SPRY3: variants seen among roughly 807,000 people sequenced by gnomAD.
SPRY3 encodes the protein protein sprouty homolog 3.
In SPRY3, 15 loss-of-function variants were observed where a neutral mutation model predicts 20.2. The observed-to-expected ratio is 0.74, with a 90% CI of 0.50 to 1.14. The LOEUF is 1.14. Among genes scored for constraint, SPRY3 ranks in the 50% most tolerant of loss-of-function variants. SPRY3 has a pLI of 0.00. For synonymous variants in SPRY3, 143 were observed against 136.5 expected (o/e 1.05, Z -0.33); for missense variants, 364 against 363.9 (o/e 1.00, Z 0.00).
intron 2 of SPRY3, among the ~76,000 whole-genome samples, chrX:155,675,569 G>T (rs2068056652): frequency 9.0e-6 from 1 of 111,386 alleles, no homozygotes; most frequent in African/African-American, 3.3e-5. Context: ...TTCCCCAGCT[G>T]GAATATTTTC....
rs1226451586 is a variant in SPRY3 at position 155,632,793 on chromosome X, A to T, written c.-441+20146A>T. 8.0e-5 allele frequency among the ~76,000 whole-genome samples: 9 copies of T among 111,992 alleles called. 1 individual carries two copies. The Admixed American group carries it at 8.5e-4, about 11-fold the overall frequency. ...CTTGATAGGAGGTTATTCGCCACAG[A>T]GCAAAGGAGCATGGATACAGGGAGG... is the stretch of plus-strand genomic sequence containing the variant. On this transcript the variant is annotated intron_variant, in intron 1 of 3. Transcript: ENST00000675360.
chrX:155,698,805 T>C (rs2068126999), intron 2 of SPRY3, among the ~76,000 whole-genome samples: 1 of 112,277 alleles, frequency 8.9e-6, no homozygotes, highest in African/African-American at 3.2e-5. Context: ...CTGGTTAGAC[T>C]GTGCTGATTA....
chrX:155,629,469 G>A (rs1046780447), intron 1 of SPRY3, among the ~76,000 whole-genome samples: 5 of 110,984 alleles, frequency 4.5e-5, no homozygotes, highest in African/African-American at 1.6e-4. Context: ...ATAAACATAC[G>A]TGTGCATGTG....
intron 2 of SPRY3, among the ~76,000 whole-genome samples, chrX:155,711,794 G>C (rs1422008691): frequency 6.6e-6 from 1 of 150,464 alleles, no homozygotes; most frequent in Non-Finnish European, 1.5e-5. Context: ...TGCATCTTTA[G>C]GTTGTTTTTT....
chrX:155,723,309 G>C (rs1485089262), intron 2 of SPRY3, among the ~76,000 whole-genome samples: 3 of 152,122 alleles, frequency 2.0e-5, no homozygotes, highest in Non-Finnish European at 4.4e-5. Context: ...GTAATGGGAT[G>C]GCTGGGTCAA....
chrX:155,711,989 T>G (rs952626769), intron 2 of SPRY3, among the ~76,000 whole-genome samples: 3 of 151,892 alleles, frequency 2.0e-5, no homozygotes, highest in African/African-American at 7.2e-5. Flanking sequence ...TATCATTTAA[T>G]TTCTGTATGT....
chrX:155,765,652 A>G (rs17149475), intron 2 of SPRY3, among the ~76,000 whole-genome samples: 9,934 of 152,212 alleles, frequency 0.065, 533 homozygotes, highest in South Asian at 0.17. Context: ...CCTAAGAGGT[A>G]AGAAGGCTGA....
intron 1 of SPRY3, among the ~76,000 whole-genome samples, chrX:155,620,352 C>T (rs1046298413): frequency 4.5e-5 from 5 of 111,447 alleles, no homozygotes; most frequent in Non-Finnish European, 9.4e-5. Context: ...TAAGTATTTA[C>T]CCAAGAGAAA....
At chrX:155,640,131 C>T (rs1232307105) in intron 1 of SPRY3, among the ~76,000 whole-genome samples, 2 of 111,334 alleles carry the variant, frequency 1.8e-5, no homozygotes, top group Non-Finnish European at 3.8e-5. Context: ...GGAGTTGGGG[C>T]ACCAACTCCC....
At chrX:155,720,545 G>T (rs1353742897) in intron 2 of SPRY3, among the ~76,000 whole-genome samples, 1 of 152,184 alleles carries the variant, frequency 6.6e-6, no homozygotes, top group Non-Finnish European at 1.5e-5. Context: ...CACAGTGGTG[G>T]TGACCACAGG....
At chrX:155,774,033 T>C in exon 4 of SPRY3, 1 of 1,613,982 alleles carries the variant, frequency 6.2e-7, no homozygotes, top group Non-Finnish European at 8.5e-7. Context: ...CTGATTGGTC[T>C]CTGGCTACCA....
downstream of SPRY3, chrX:155,780,343 C>G (rs776369897): frequency 1.2e-5 from 2 of 166,980 alleles, no homozygotes; most frequent in African/African-American, 2.4e-5. Flanking sequence ...CAGGTATGTT[C>G]TCTTGTAACA....
intron 2 of SPRY3, among the ~76,000 whole-genome samples, chrX:155,721,567 C>T (rs2091058193): frequency 1.3e-5 from 2 of 151,726 alleles, no homozygotes; most frequent in East Asian, 1.9e-4. Context: ...AGAAAATAAA[C>T]GAATAACATA....
At chrX:155,750,089 TAC>T (rs2091253678) in intron 2 of SPRY3, among the ~76,000 whole-genome samples, 1 of 151,852 alleles carries the variant, frequency 6.6e-6, no homozygotes, top group Admixed American at 6.6e-5. Flanking sequence ...CATAGAATAC[TAC>T]ACAGTCATAA....
At chrX:155,631,811 A>T (rs2067907376) in intron 1 of SPRY3, among the ~76,000 whole-genome samples, 1 of 110,988 alleles carries the variant, frequency 9.0e-6, no homozygotes. Flanking sequence ...TAGTTGGTGT[A>T]TATATTTATG....
intron 2 of SPRY3, among the ~76,000 whole-genome samples, chrX:155,766,591 C>A (rs1325906401): frequency 1.3e-5 from 2 of 152,134 alleles, no homozygotes; most frequent in Admixed American, 1.3e-4. Flanking sequence ...AATCAGATCT[C>A]CTTTATTTTA....
chrX:155,680,639 A>G (rs1458923308), intron 2 of SPRY3, among the ~76,000 whole-genome samples: 1 of 111,604 alleles, frequency 9.0e-6, no homozygotes, highest in Admixed American at 9.5e-5. Flanking sequence ...AAATATTCAA[A>G]TAGAGATACA....
chrX:155,724,995 C>A (rs1395178579), intron 2 of SPRY3, among the ~76,000 whole-genome samples: 4 of 152,142 alleles, frequency 2.6e-5, no homozygotes, highest in African/African-American at 9.7e-5. Context: ...TACATTCCAT[C>A]AATACCTAGT....
intron 2 of SPRY3, among the ~76,000 whole-genome samples, chrX:155,659,320 A>G (rs2124551112): frequency 9.2e-6 from 1 of 108,605 alleles, no homozygotes; most frequent in East Asian, 2.9e-4. Flanking sequence ...AATTTTTTGT[A>G]TTTTTTAGTA....
Sources: gnomAD v4.1 joint callset for allele counts (sites outside exome capture counted in the v4.1 genomes callset) on GRCh38, gnomAD v4.1.1 for gene constraint, MANE v1.5 for transcripts, NCBI Gene and HGNC (gene_info 2026-07-23, HGNC 2026-07-21) for gene names.